Variants in KNL1 observed in about 807,000 individuals in gnomAD.
KNL1 encodes the protein outer kinetochore KNL1 complex subunit KNL1.
Under a neutral mutation model 201.3 loss-of-function variants are expected in KNL1, and 66 were observed. That is an observed-to-expected ratio of 0.33 (90% CI 0.27 to 0.40). The LOEUF (loss-of-function observed/expected upper bound fraction) is 0.40. Among genes scored for constraint, KNL1 ranks in the 10% least tolerant of loss-of-function variants. KNL1 has a pLI of 1.00. For missense variants in KNL1, 2,815 were observed against 2,690.5 expected, an observed-to-expected ratio of 1.05 and a Z score of -1.02; for synonymous variants, 895 against 899.2, an observed-to-expected ratio of 1.00 and a Z score of 0.08.
intron 3 of KNL1, among the ~76,000 whole-genome samples, chr15:40,605,595 G>A (rs1001889723): frequency 3.9e-5 from 6 of 152,146 alleles, no homozygotes; most frequent in Admixed American, 3.3e-4. Flanking sequence ...GGAATTACAA[G>A]CATGTACCAC....
intron 13 of KNL1, among the ~76,000 whole-genome samples, chr15:40,637,238 C>T (rs561106676): frequency 1.4e-5 from 2 of 144,438 alleles, no homozygotes; most frequent in Non-Finnish European, 3.0e-5. Context: ...TCCTTCCTTC[C>T]TTTTAATGAA....
intron 17 of KNL1, among the ~76,000 whole-genome samples, chr15:40,649,813 G>GT (rs1893500074): frequency 6.6e-6 from 1 of 152,062 alleles, no homozygotes; most frequent in Non-Finnish European, 1.5e-5. Context: ...TTCTCTTTCT[G>GT]TTTTTCACCA....
chr15:40,658,337 A>G (rs960952439), intron 24 of KNL1, among the ~76,000 whole-genome samples: 14 of 150,972 alleles, frequency 9.3e-5, no homozygotes, highest in East Asian at 2.0e-4. Context: ...AGACCAGCCT[A>G]GGCAAGATGG....
chr15:40,647,563 G>A lies in KNL1; in HGVS notation c.6094+489G>A, dbSNP rs114434179. The stretch of plus-strand genomic sequence containing the variant: ...GTCATCCATAATACAATCAAGAGCT[G>A]CTCAAGATAACCCAGACTGTAATTT... On this transcript the variant is annotated intron_variant, in intron 17 of 25. Coordinates refer to ENST00000399668, the MANE Select transcript of KNL1 (RefSeq NM_144508.5). Among the ~76,000 whole-genome samples, 339 of 152,170 alleles carry A rather than the reference G, an allele frequency of 2.2e-3. 3 individuals are homozygous for A. The highest frequency in any genetic ancestry group is 8.0e-3 in the African/African-American group (333 of 41,534).
chr15:40,604,826 T>G (rs1395151092), intron 2 of KNL1, among the ~76,000 whole-genome samples: 1 of 152,228 alleles, frequency 6.6e-6, no homozygotes, highest in Non-Finnish European at 1.5e-5. Flanking sequence ...AAAGCTAGCG[T>G]CTCTTGACTT....
intron 14 of KNL1, among the ~76,000 whole-genome samples, chr15:40,642,288 A>G (rs1206571604): frequency 1.3e-5 from 2 of 151,676 alleles, no homozygotes; most frequent in African/African-American, 4.8e-5. Flanking sequence ...AGTCCCAGCT[A>G]CTCGGGAGGC....
chr15:40,636,504 C>T (rs983467520), intron 13 of KNL1, among the ~76,000 whole-genome samples: 6 of 151,696 alleles, frequency 4.0e-5, no homozygotes, highest in African/African-American at 1.5e-4. Flanking sequence ...TTTTATTAAC[C>T]CCCTGTGTGT....
chr15:40,598,510 A>G (rs1891685247), intron 1 of KNL1, among the ~76,000 whole-genome samples: 7 of 152,088 alleles, frequency 4.6e-5, no homozygotes, highest in Non-Finnish European at 1.5e-5. Flanking sequence ...TTGAGACTGC[A>G]GTAAGCCTAG....
At chr15:40,598,170 G>A (rs1423708840) in intron 1 of KNL1, among the ~76,000 whole-genome samples, 10 of 142,158 alleles carry the variant, frequency 7.0e-5, no homozygotes, top group African/African-American at 2.4e-4. Context: ...GGGAAACTCC[G>A]TCTCAAAAAA....
At chr15:40,601,879 T>TG (rs1287079672) in intron 1 of KNL1, among the ~76,000 whole-genome samples, 20 of 128,972 alleles carry the variant, frequency 1.6e-4, no homozygotes, top group Non-Finnish European at 3.0e-4. Flanking sequence ...TTTTTTTTTT[T>TG]TTTTTTGAGA....
In KNL1 at chr15:40,645,659, A is replaced by C; in HGVS notation, c.5893A>C (p.Lys1965Gln). The C allele has an allele frequency of 6.4e-7, 1 of 1,572,084 alleles. No individual in the cohort carries two copies. Among genetic ancestry groups the C allele is most frequent in the Non-Finnish European group, 8.7e-7 (1 of 1,148,520 alleles). The change falls in exon 16 of 26, where the codon AAG becomes CAG. Residue 1965 changes from lysine (K) to glutamine (Q), a missense_variant. Lys to Gln is a moderately conservative substitution (Grantham distance 53, BLOSUM62 1). This residue lies in a region of KNL1 where 2,464 missense variants were observed against 2,291.7 expected (regional missense o/e 1.08). Transcript: ENST00000399668. ...TCTCTATAACTTTCCCTTCCAGCTGAAGGCCTTTGGAATTTATCTTAACAA... is the reference window on the plus strand; with the variant it reads ...TCTCTATAACTTTCCCTTCCAGCTGCAGGCCTTTGGAATTTATCTTAACAA... Reference protein sequence around the residue: ...KMRHCSDKELKAFGIYLNKIK... With the variant: ...KMRHCSDKELQAFGIYLNKIK...
chr15:40,629,781 G>A (rs913370346), intron 13 of KNL1, among the ~76,000 whole-genome samples: 18 of 151,900 alleles, frequency 1.2e-4, no homozygotes, highest in Admixed American at 2.0e-4. Flanking sequence ...GTTTACAAGC[G>A]TGAGCCACTG....
chr15:40,645,098 C>G lies in KNL1; in HGVS notation c.5889+11C>G. 1 of 1,570,232 alleles carries G rather than the reference C, an allele frequency of 6.4e-7. No homozygotes were observed. Among genetic ancestry groups the G allele is most frequent in the South Asian group, 1.1e-5 (1 of 89,554 alleles). On this transcript the variant is annotated intron_variant, in intron 15 of 25. Coordinates refer to ENST00000399668, the MANE Select transcript of KNL1 (RefSeq NM_144508.5). ...TGCTCTGACAAAGAGGTACTTTTGT[C>G]TCATTTTCTGAATGAGAATCAGTGA...
In KNL1 at chr15:40,622,138, G is replaced by T. The variant is rs754453173; in HGVS notation, c.1874G>T (p.Arg625Leu). The T allele has an allele frequency of 1.1e-5, 18 of 1,613,942 alleles. No individual in the cohort carries two copies. The highest frequency in any genetic ancestry group is 1.5e-5 in the Non-Finnish European group (18 of 1,179,984). The change falls in exon 10 of 26, where the codon CGA (arginine) becomes CTA (leucine). Residue 625 changes from arginine to leucine, a missense_variant. Physicochemically the swap from Arg to Leu is moderately radical, Grantham distance 102. This residue lies in a region of KNL1 where 2,464 missense variants were observed against 2,291.7 expected (regional missense o/e 1.08). Coordinates refer to ENST00000399668, the MANE Select transcript of KNL1 (RefSeq NM_144508.5). ...AAAAGTCGTAATGAACCATTTCAGC[G>T]ATCAGACATAATAGCCAAAAACAGC... ...ITKSRNEPFQ[R>L]SDIIAKNSLT...
intron 13 of KNL1, among the ~76,000 whole-genome samples, chr15:40,634,981 AG>A (rs1429944849): frequency 6.6e-6 from 1 of 152,138 alleles, no homozygotes; most frequent in African/African-American, 2.4e-5. Context: ...AAATAGGAAA[AG>A]GCCAAAGAGA....
intron 21 of KNL1, among the ~76,000 whole-genome samples, chr15:40,653,541 CA>C (rs1893633408): frequency 1.3e-5 from 2 of 152,160 alleles, no homozygotes; most frequent in African/African-American, 4.8e-5. Flanking sequence ...TCTGTTCTGT[CA>C]ATAATCATCT....
At chr15:40,629,180 C>T (rs1451819920) in intron 12 of KNL1, 93 bp from the exon 13 acceptor site, 1 of 658,776 alleles carries the variant, frequency 1.5e-6, no homozygotes, top group Non-Finnish European at 2.6e-6. Context: ...TAAATGTATA[C>T]AAGATACCTT....
chr15:40,613,077 G>T (rs1238849253), intron 7 of KNL1, among the ~76,000 whole-genome samples: 1 of 152,172 alleles, frequency 6.6e-6, no homozygotes, highest in African/African-American at 2.4e-5. Context: ...AGGTCCATCA[G>T]TAAGGGCCTG....
chr15:40,611,108 ATT>A (rs10706227), intron 6 of KNL1, among the ~76,000 whole-genome samples: 193 of 143,088 alleles, frequency 1.3e-3, no homozygotes, highest in Non-Finnish European at 1.3e-3. Context: ...ATTTTATTGT[ATT>A]TTTTTTTTTT....
Sources: gnomAD v4.1 joint callset for allele counts (sites outside exome capture counted in the v4.1 genomes callset) on GRCh38, gnomAD v4.1.1 for gene constraint, gnomAD v4.1.1 regional missense constraint, MANE v1.5 for transcripts, NCBI Gene and HGNC (gene_info 2026-07-23, HGNC 2026-07-21) for gene names.